The following PDXDC1 variants were observed in gnomAD, a reference collection of about 807,000 sequenced individuals.
PDXDC1 encodes pyridoxal dependent decarboxylase domain containing 1.
PDXDC1 carries 42 observed loss-of-function variants against 100.1 expected under a neutral mutation model. That is an observed-to-expected ratio of 0.42 (90% CI 0.33 to 0.54). PDXDC1 has a LOEUF of 0.54. Among genes scored for constraint, PDXDC1 ranks in the 20% least tolerant of loss-of-function variants. The pLI, the probability that PDXDC1 is intolerant of heterozygous loss-of-function variation, is 0.10. For synonymous variants in PDXDC1, 260 were observed against 371.7 expected (o/e 0.70, Z 3.46); for missense variants, 636 against 979.2 (o/e 0.65, Z 4.68).
chr16:15,053,504 GA>G (rs1178304517), intron 16 of PDXDC1, among the ~76,000 whole-genome samples: 3 of 152,186 alleles, frequency 2.0e-5, no homozygotes, highest in East Asian at 3.9e-4. Flanking sequence ...TATATACAAA[GA>G]AAAACCTTCA....
rs531296286 is a variant in PDXDC1, at chr16:15,005,934, C to T, written c.390-460C>T. Among the ~76,000 whole-genome samples, 6 of 152,284 alleles carry T rather than the reference C, an allele frequency of 3.9e-5. No individual in the cohort carries two copies. In the South Asian group the frequency reaches 6.2e-4, roughly 16 times the overall value. On this transcript the variant is annotated intron_variant, in intron 5 of 22. Coordinates refer to ENST00000396410, the MANE Select transcript of PDXDC1 (RefSeq NM_015027.4). ...AAAACTCCTGGTCAGGTGATCCACCCGCCTTGGCCTCCCAAAGTGCTGAGA... is the reference window on the plus strand; with the variant it reads ...AAAACTCCTGGTCAGGTGATCCACCTGCCTTGGCCTCCCAAAGTGCTGAGA...
downstream of PDXDC1, chr16:15,039,988 C>T (rs1471316433): frequency 8.1e-6 from 13 of 1,603,024 alleles, no homozygotes; most frequent in Non-Finnish European, 1.1e-5. Flanking sequence ...TGCTAAAGTT[C>T]GCGCAGCACG....
intron 16 of PDXDC1, among the ~76,000 whole-genome samples, chr16:15,117,293 TA>T (rs1164658396): frequency 1.1e-5 from 1 of 87,558 alleles, no homozygotes; most frequent in Non-Finnish European, 2.2e-5. Context: ...ATAAATAAAA[TA>T]ATGTAGATCT....
intron 4 of PDXDC1, among the ~76,000 whole-genome samples, chr16:15,002,133 G>C (rs1437458712): frequency 6.6e-6 from 1 of 152,288 alleles, no homozygotes; most frequent in Non-Finnish European, 1.5e-5. Flanking sequence ...TCTTTCTGCT[G>C]CTGTGCTTCT....
chr16:15,133,854 C>T (rs1159352192), intron 16 of PDXDC1: 26 of 1,566,830 alleles, frequency 1.7e-5, no homozygotes, highest in East Asian at 6.9e-5. Flanking sequence ...TGGGAAGAGG[C>T]GGCAAGAGCC....
intron 16 of PDXDC1, among the ~76,000 whole-genome samples, chr16:15,111,105 G>A (rs2151871938): frequency 7.1e-6 from 1 of 139,946 alleles, no homozygotes. Context: ...TCCAGCCTGA[G>A]CGACAGAATG....
intron 16 of PDXDC1, among the ~76,000 whole-genome samples, chr16:15,102,313 A>G (rs912636931): frequency 2.6e-5 from 4 of 152,072 alleles, no homozygotes; most frequent in African/African-American, 9.7e-5. Context: ...TTTCATTATA[A>G]ACCTGCCCTG....
At chr16:15,057,441 A>C (rs1024081670) in intron 16 of PDXDC1, among the ~76,000 whole-genome samples, 2 of 152,218 alleles carry the variant, frequency 1.3e-5, no homozygotes, top group African/African-American at 4.8e-5. Flanking sequence ...ACTTGCTCAA[A>C]GTGGTAGAAA....
chr16:15,142,186 A>G (rs1372228663), downstream of PDXDC1, among the ~76,000 whole-genome samples: 1 of 152,074 alleles, frequency 6.6e-6, no homozygotes, highest in Non-Finnish European at 1.5e-5. Flanking sequence ...TGCTGCTGGG[A>G]GCTGACAAGC....
At chr16:15,027,133 T>G in intron 14 of PDXDC1, among the ~76,000 whole-genome samples, 1 of 152,292 alleles carries the variant, frequency 6.6e-6, no homozygotes. Flanking sequence ...CTGACTTTCA[T>G]ACATTCTACA....
chr16:15,087,298 ATCT>A (rs1263306779), intron 16 of PDXDC1, among the ~76,000 whole-genome samples: 2 of 152,188 alleles, frequency 1.3e-5, no homozygotes. Flanking sequence ...CCACATATAT[ATCT>A]TCTTCTAATC....
chr16:15,123,288 A>T, intron 16 of PDXDC1: 1 of 1,467,204 alleles, frequency 6.8e-7, no homozygotes, highest in South Asian at 1.2e-5. Flanking sequence ...AACCTTCACA[A>T]ACCTGATTTC....
intron 16 of PDXDC1, chr16:15,130,513 T>A: frequency 7.5e-7 from 1 of 1,338,328 alleles, no homozygotes; most frequent in African/African-American, 1.4e-5. Context: ...GATATCGGAG[T>A]CCCAGAGCCC....
At chr16:15,043,984 GA>G (rs1455985266) in intron 16 of PDXDC1, among the ~76,000 whole-genome samples, 2 of 152,178 alleles carry the variant, frequency 1.3e-5, no homozygotes, top group African/African-American at 4.8e-5. Context: ...TGCTAATAGG[GA>G]AAAAATGGTA....
chr16:15,101,467 C>G (rs1412707043), intron 16 of PDXDC1, among the ~76,000 whole-genome samples: 2 of 152,154 alleles, frequency 1.3e-5, no homozygotes, highest in Non-Finnish European at 2.9e-5. Flanking sequence ...CAGGTGTGCA[C>G]TACCATGCCC....
rs1343610016 is a variant in PDXDC1, at chr16:14,975,095, C to T, written c.-105C>T. On this transcript the variant is annotated 5_prime_UTR_variant, in exon 1 of 23. Coordinates refer to ENST00000396410, the MANE Select transcript of PDXDC1 (RefSeq NM_015027.4). Reference sequence around the variant, plus strand: ...TCCTCCTCTTCTCCGCCCCGCCGGCCGCGGGCGCGGGGGACGTCAGCGCTG... The same window carrying T: ...TCCTCCTCTTCTCCGCCCCGCCGGCTGCGGGCGCGGGGGACGTCAGCGCTG... 6.5e-5 allele frequency: 95 copies of T among 1,467,596 alleles called. No homozygotes were observed. In the Middle Eastern group the frequency reaches 1.6e-3, roughly 25 times the overall value. The allele number at this position is 1,467,596 out of a possible 1,614,324, so 90.9% of individuals were successfully genotyped here.
At chr16:15,065,472 T>C (rs1175909456) in intron 16 of PDXDC1, 16 of 928,198 alleles carry the variant, frequency 1.7e-5, no homozygotes, top group East Asian at 1.2e-4. Flanking sequence ...CACAGAGAAA[T>C]TGCTGAATAT....
rs756432017 is a variant in PDXDC1, at chr16:15,038,059, C to G, written c.*1784C>G. 6 of 1,612,658 alleles carry G rather than the reference C, an allele frequency of 3.7e-6. No homozygotes were observed. In the African/African-American group the frequency reaches 6.7e-5, roughly 18 times the overall value. ...ACTTCCTGGAGAAGAGATCTTTTCC[C>G]ACAAGCCATCTTCATTTTTTTTGTA... On this transcript the variant is annotated 3_prime_UTR_variant, in exon 23 of 23. Coordinates refer to ENST00000396410, the MANE Select transcript of PDXDC1 (RefSeq NM_015027.4).
At position 15,037,354 on chromosome 16, in the gene PDXDC1, A is replaced by G. The variant is rs2043520380; in HGVS notation, c.*1079A>G. ...CAGTCAAGCTTTTGGGAGACCTGAA[A>G]ATGGGAAAATTCACACTGGGTTTCT... On this transcript the variant is annotated 3_prime_UTR_variant, in exon 23 of 23. Coordinates refer to ENST00000396410, the MANE Select transcript of PDXDC1 (RefSeq NM_015027.4). 6.6e-6 allele frequency: 1 copy of G among 152,234 alleles called. No individual in the cohort carries two copies. Among genetic ancestry groups the G allele is most frequent in the Non-Finnish European group, 1.5e-5 (1 of 68,060 alleles). 9.4% of individuals were successfully genotyped at this position (152,234 alleles called of 1,614,324 possible).
Sources: gnomAD v4.1 joint callset for allele counts (sites outside exome capture counted in the v4.1 genomes callset) on GRCh38, gnomAD v4.1.1 for gene constraint, MANE v1.5 for transcripts, NCBI Gene and HGNC (gene_info 2026-07-23, HGNC 2026-07-21) for gene names.